Variants in CADM1 observed in about 807,000 individuals in gnomAD.
CADM1 encodes cell adhesion molecule 1, also known as TSLC-1.
A neutral mutation model predicts 53.1 loss-of-function variants in CADM1; 15 were observed. The ratio of observed to expected loss-of-function variants is 0.28; its 90% confidence interval spans 0.19 to 0.44. The LOEUF is 0.44. Ranked by LOEUF, CADM1 falls within the 20% of genes least tolerant of loss-of-function variation. The pLI, the probability that CADM1 is intolerant of heterozygous loss-of-function variation, is 1.00. For missense variants in CADM1, 434 were observed against 611.3 expected (o/e 0.71, Z 3.06); for synonymous variants, 281 against 243.0 (o/e 1.16, Z -1.45).
Position 115,262,786 on chromosome 11 carries a change from T to TGATG in CADM1, c.125-22370_125-22367dup, listed in dbSNP as rs915813416. On this transcript the variant is annotated intron_variant, in intron 1 of 11. Transcript: ENST00000331581. ...CTTCACCTAAGCTTTTCTATGCCCT[T>TGATG]GATGGGTCTTTTTTTTTTTCTTTAA... Among the ~76,000 whole-genome samples, 11 of 152,224 alleles carry TGATG rather than the reference T, an allele frequency of 7.2e-5. No homozygotes were observed. The East Asian group carries it at 1.7e-3, about 24-fold the overall frequency.
intron 1 of CADM1, chr11:115,287,286 G>C (rs1252736413): frequency 2.0e-5 from 3 of 152,252 alleles, no homozygotes; most frequent in Non-Finnish European, 4.4e-5. Flanking sequence ...CCATGGGGAT[G>C]ATTTCATTAT....
chr11:115,498,772 T>C (rs184251034), intron 1 of CADM1, among the ~76,000 whole-genome samples: 69 of 152,338 alleles, frequency 4.5e-4, no homozygotes, highest in African/African-American at 1.6e-3. Flanking sequence ...GTGAGAATAC[T>C]GTGCGTACGG....
At chr11:115,261,956 T>G (rs965709556) in intron 1 of CADM1, among the ~76,000 whole-genome samples, 9 of 152,080 alleles carry the variant, frequency 5.9e-5, no homozygotes, top group African/African-American at 1.7e-4. Context: ...ATTTTTTGTA[T>G]TTTTAGTAGA....
At position 115,387,843 on chromosome 11, in the gene CADM1, C is replaced by G. The variant is rs550895146; in HGVS notation, c.124+116428G>C. Among the ~76,000 whole-genome samples the G allele has an allele frequency of 1.3e-3, 200 of 151,994 alleles. 1 individual carries two copies. In the Middle Eastern group the frequency reaches 0.014, roughly 10 times the overall value. On this transcript the variant is annotated intron_variant, in intron 1 of 11. Coordinates refer to ENST00000331581, the MANE Select transcript of CADM1 (RefSeq NM_001301043.2). ...AAAAAGGCCTAGAATCAAATCTACC[C>G]TGTTAGTAAGCAGCACACCTAGCAC... is the stretch of plus-strand genomic sequence containing the variant.
intron 1 of CADM1, among the ~76,000 whole-genome samples, chr11:115,367,271 G>T (rs1946189214): frequency 6.6e-6 from 1 of 152,168 alleles, no homozygotes; most frequent in Non-Finnish European, 1.5e-5. Context: ...CTTCTCTTTT[G>T]TATGATATCC....
intron 1 of CADM1, among the ~76,000 whole-genome samples, chr11:115,359,979 TA>T (rs1437676010): frequency 1.2e-4 from 18 of 152,202 alleles, no homozygotes; most frequent in Non-Finnish European, 4.4e-5. Flanking sequence ...GAGCCTTGAA[TA>T]AAAACCACAA....
intron 9 of CADM1, among the ~76,000 whole-genome samples, chr11:115,195,967 C>A (rs1940126622): frequency 6.6e-6 from 1 of 152,134 alleles, no homozygotes; most frequent in Non-Finnish European, 1.5e-5. Context: ...ACTTTTCTAT[C>A]CCTCTGCCAT....
At chr11:115,237,925 A>C (rs147488277) in intron 3 of CADM1, among the ~76,000 whole-genome samples, 558 of 152,350 alleles carry the variant, frequency 3.7e-3, no homozygotes, top group Non-Finnish European at 5.6e-3. Context: ...TTACCAGTTA[A>C]AGTGCTCTTA....
chr11:115,185,189 A>T (rs1219922932), intron 10 of CADM1, among the ~76,000 whole-genome samples: 1 of 152,190 alleles, frequency 6.6e-6, no homozygotes, highest in African/African-American at 2.4e-5. Flanking sequence ...GCCAAATTCA[A>T]ATCTCCTGTA....
intron 1 of CADM1, among the ~76,000 whole-genome samples, chr11:115,499,181 T>C (rs188970263): frequency 5.4e-4 from 83 of 152,340 alleles, no homozygotes; most frequent in African/African-American, 1.9e-3. Flanking sequence ...AATCAAGCTC[T>C]GTTCTTGTTC....
intron 1 of CADM1, among the ~76,000 whole-genome samples, chr11:115,470,825 A>G (rs1354833000): frequency 6.6e-6 from 1 of 152,196 alleles, no homozygotes; most frequent in Non-Finnish European, 1.5e-5. Context: ...GCAATATAAC[A>G]ATCATATGAA....
intron 1 of CADM1, among the ~76,000 whole-genome samples, chr11:115,316,122 T>C (rs374373339): frequency 1.3e-5 from 2 of 152,188 alleles, no homozygotes; most frequent in African/African-American, 4.8e-5. Context: ...ATTTTGTCAT[T>C]TACTGGACTA....
chr11:115,338,369 T>G (rs1945323307), intron 1 of CADM1, among the ~76,000 whole-genome samples: 1 of 152,106 alleles, frequency 6.6e-6, no homozygotes, highest in Non-Finnish European at 1.5e-5. Context: ...TGCAATAAAC[T>G]CATTTAAACT....
intron 9 of CADM1, among the ~76,000 whole-genome samples, chr11:115,196,031 C>G (rs977395710): frequency 2.0e-5 from 3 of 152,184 alleles, no homozygotes; most frequent in Non-Finnish European, 4.4e-5. Flanking sequence ...TCCCTTGGCT[C>G]TAGGTGTATT....
At chr11:115,258,159 T>C (rs1299251836) in intron 1 of CADM1, among the ~76,000 whole-genome samples, 1 of 152,224 alleles carries the variant, frequency 6.6e-6, no homozygotes, top group Non-Finnish European at 1.5e-5. Context: ...ACTTTTCTCA[T>C]GGCCAGATCG....
At chr11:115,404,835 C>T (rs1947272553) in intron 1 of CADM1, among the ~76,000 whole-genome samples, 1 of 139,480 alleles carries the variant, frequency 7.2e-6, no homozygotes, top group South Asian at 2.3e-4. Flanking sequence ...GAACAAGACC[C>T]TGCCTCAGGA....
chr11:115,415,808 G>C (rs1362992168), intron 1 of CADM1, among the ~76,000 whole-genome samples: 1 of 107,170 alleles, frequency 9.3e-6, no homozygotes, highest in African/African-American at 3.6e-5. Context: ...TCAGGCAACA[G>C]AGTGAGACTG....
intron 1 of CADM1, among the ~76,000 whole-genome samples, chr11:115,282,576 T>C (rs1943616684): frequency 1.3e-5 from 2 of 152,194 alleles, no homozygotes; most frequent in Non-Finnish European, 2.9e-5. Flanking sequence ...TGTTCCCTCA[T>C]TCATTTCTAG....
chr11:115,388,793 C>T (rs1265574014), intron 1 of CADM1, among the ~76,000 whole-genome samples: 3 of 151,952 alleles, frequency 2.0e-5, no homozygotes, highest in Admixed American at 1.3e-4. Flanking sequence ...AACTGTTCCC[C>T]ATTAAAGTAG....
Sources: gnomAD v4.1 joint callset for allele counts (sites outside exome capture counted in the v4.1 genomes callset) on GRCh38, gnomAD v4.1.1 for gene constraint, MANE v1.5 for transcripts, NCBI Gene and HGNC (gene_info 2026-07-23, HGNC 2026-07-21) for gene names.